The following CCDC3 variants were observed in gnomAD, a reference collection of about 807,000 sequenced individuals.
The protein encoded by CCDC3 is coiled-coil domain containing 3, also known as coiled-coil domain-containing protein 3.
A neutral mutation model predicts 21.4 loss-of-function variants in CCDC3; 24 were observed. The observed-to-expected ratio is 1.12, with a 90% confidence interval of 0.81 to 1.58. CCDC3 has a LOEUF of 1.58. Among genes scored for constraint, CCDC3 ranks in the 40% most tolerant of loss-of-function variants. The pLI, the probability that CCDC3 is intolerant of heterozygous loss-of-function variation, is 0.00. For missense variants in CCDC3, 425 were observed against 360.9 expected (o/e 1.18, Z -1.44); for synonymous variants, 186 against 166.0 (o/e 1.12, Z -0.93).
At chr10:13,061,420 T>A (rs1216239524) in intron 4 of CCDC3, among the ~76,000 whole-genome samples, 1 of 152,146 alleles carries the variant, frequency 6.6e-6, no homozygotes, top group Non-Finnish European at 1.5e-5. Flanking sequence ...GCTGGGAGCA[T>A]CCCCTCTGGT....
At chr10:12,992,971 C>G (rs1452459713) in intron 2 of CCDC3, among the ~76,000 whole-genome samples, 1 of 152,138 alleles carries the variant, frequency 6.6e-6, no homozygotes, top group African/African-American at 2.4e-5. Flanking sequence ...TAAATGTCAT[C>G]CTTGCACAGA....
intron 2 of CCDC3, among the ~76,000 whole-genome samples, chr10:12,986,554 C>T (rs1314705780): frequency 6.6e-6 from 1 of 152,254 alleles, no homozygotes; most frequent in East Asian, 1.9e-4. Context: ...GCGGGCGGAT[C>T]ACAAGGTCAG....
intron 2 of CCDC3, among the ~76,000 whole-genome samples, chr10:12,921,921 G>A (rs1159721078): frequency 2.0e-5 from 3 of 152,042 alleles, no homozygotes; most frequent in African/African-American, 4.8e-5. Context: ...TTTATGTAGA[G>A]ATGGGTCTTG....
intron 2 of CCDC3, among the ~76,000 whole-genome samples, chr10:12,993,363 G>A (rs908088662): frequency 3.3e-5 from 5 of 152,266 alleles, no homozygotes; most frequent in African/African-American, 1.2e-4. Context: ...TGGCAGAGCC[G>A]ATCAAGGTCT....
chr10:12,989,892 T>C (rs185987232), intron 2 of CCDC3, among the ~76,000 whole-genome samples: 1 of 152,134 alleles, frequency 6.6e-6, no homozygotes, highest in Non-Finnish European at 1.5e-5. Flanking sequence ...CAGATGATTC[T>C]AGCAGTCATT....
chr10:13,091,997 A>G (rs1303569590), intron 3 of CCDC3, among the ~76,000 whole-genome samples: 1 of 152,148 alleles, frequency 6.6e-6, no homozygotes, highest in Non-Finnish European at 1.5e-5. Flanking sequence ...CCTTGCAGTG[A>G]AAAGGGCTGA....
At chr10:13,087,404 CAAA>C (rs56772902) in intron 3 of CCDC3, among the ~76,000 whole-genome samples, 3 of 125,782 alleles carry the variant, frequency 2.4e-5, no homozygotes, top group Non-Finnish European at 1.7e-5. Context: ...AACTCCATCT[CAAA>C]AAAAAAAAAA....
At chr10:13,064,635 A>T (rs1440682322) in intron 4 of CCDC3, among the ~76,000 whole-genome samples, 2 of 152,018 alleles carry the variant, frequency 1.3e-5, no homozygotes, top group African/African-American at 4.8e-5. Context: ...AAATATAAAA[A>T]ATTAGCCGGG....
chr10:13,028,632 G>C (rs1232169995), intron 5 of CCDC3, among the ~76,000 whole-genome samples: 1 of 152,164 alleles, frequency 6.6e-6, no homozygotes, highest in Non-Finnish European at 1.5e-5. Flanking sequence ...CATCACATCA[G>C]AAAAATGGTA....
chr10:12,955,002 C>G (rs536663212), intron 2 of CCDC3, among the ~76,000 whole-genome samples: 1 of 152,162 alleles, frequency 6.6e-6, no homozygotes, highest in African/African-American at 2.4e-5. Flanking sequence ...CCCACCTAGA[C>G]ATTACCAGTT....
At chr10:12,918,608 G>A (rs986312146) in intron 2 of CCDC3, among the ~76,000 whole-genome samples, 1 of 152,154 alleles carries the variant, frequency 6.6e-6, no homozygotes, top group Non-Finnish European at 1.5e-5. Flanking sequence ...TTGATAACAG[G>A]ATGATCACTG....
chr10:13,057,015 G>A (rs892593424), intron 4 of CCDC3, among the ~76,000 whole-genome samples: 1 of 152,116 alleles, frequency 6.6e-6, no homozygotes, highest in African/African-American at 2.4e-5. Context: ...GGACAGGCCC[G>A]GCACAGTAGC....
intron 2 of CCDC3, among the ~76,000 whole-genome samples, chr10:12,955,540 G>T (rs570822716): frequency 6.6e-6 from 1 of 152,070 alleles, no homozygotes; most frequent in Non-Finnish European, 1.5e-5. Flanking sequence ...CCAAACCCAG[G>T]TTCAGTAACT....
At chr10:13,016,334 GAAAA>G (rs72075391) in intron 5 of CCDC3, among the ~76,000 whole-genome samples, 2 of 78,370 alleles carry the variant, frequency 2.6e-5, no homozygotes, top group African/African-American at 5.6e-5. Context: ...TTGGTAAAGC[GAAAA>G]AAAAAAAAAA....
In CCDC3 at chr10:12,898,511, G is replaced by A. The variant is rs150259960; in HGVS notation, c.718C>T (p.Leu240=). 1.7e-5 allele frequency: 27 copies of A among 1,614,042 alleles called. No individual in the cohort carries two copies. The African/African-American group carries it at 3.5e-4, about 21-fold the overall frequency. Reference sequence around the variant, plus strand: ...TTCTCACTGAGTTTCTGGTTCGCCAGCTCCAGGTGGCGGCCCTTCTTACGC... The same window carrying A: ...TTCTCACTGAGTTTCTGGTTCGCCAACTCCAGGTGGCGGCCCTTCTTACGC... ...QARKKGRHLE[L]ANQKLSEKLA... Residue 240 remains leucine (L), a synonymous_variant, in exon 3 of 3, where the codon CTG becomes TTG. Coordinates refer to ENST00000378825, the MANE Select transcript of CCDC3 (RefSeq NM_031455.4).
chr10:12,993,996 C>T (rs1835718047), intron 2 of CCDC3, among the ~76,000 whole-genome samples: 1 of 152,184 alleles, frequency 6.6e-6, no homozygotes, highest in Non-Finnish European at 1.5e-5. Context: ...GATCCTCCAA[C>T]AGAGAGAAAG....
At chr10:12,979,887 C>T (rs1835468905) in intron 2 of CCDC3, among the ~76,000 whole-genome samples, 1 of 152,148 alleles carries the variant, frequency 6.6e-6, no homozygotes, top group South Asian at 2.1e-4. Flanking sequence ...GCAAAGGGCA[C>T]AGGCCTGTGC....
At chr10:12,908,783 G>T (rs12764902) in intron 2 of CCDC3, among the ~76,000 whole-genome samples, 3,867 of 151,992 alleles carry the variant, frequency 0.025, 148 homozygotes, top group African/African-American at 0.09. Context: ...AGCAGAGACA[G>T]GGTTTCACTG....
At chr10:12,944,523 G>A (rs913250867) in intron 2 of CCDC3, among the ~76,000 whole-genome samples, 2 of 152,150 alleles carry the variant, frequency 1.3e-5, no homozygotes, top group African/African-American at 2.4e-5. Context: ...ATTGATTTAT[G>A]TCTTTGCCTG....
Sources: gnomAD v4.1 joint callset for allele counts (sites outside exome capture counted in the v4.1 genomes callset) on GRCh38, gnomAD v4.1.1 for gene constraint, MANE v1.5 for transcripts, NCBI Gene and HGNC (gene_info 2026-07-23, HGNC 2026-07-21) for gene names.